Variants in KCTD8 observed in about 807,000 individuals in gnomAD.
KCTD8 encodes the protein BTB/POZ domain-containing protein KCTD8.
In KCTD8, 27 loss-of-function variants were observed where a neutral mutation model predicts 31.5. That is an observed-to-expected ratio of 0.86 (90% CI 0.63 to 1.18). KCTD8 has a LOEUF of 1.18. Among genes scored for constraint, KCTD8 ranks in the 50% most tolerant of loss-of-function variants. The pLI, the probability that KCTD8 is intolerant of heterozygous loss-of-function variation, is 0.00. For synonymous variants in KCTD8, 290 were observed against 280.0 expected (o/e 1.04, Z -0.36); for missense variants, 658 against 647.7 (o/e 1.02, Z -0.17).
chr4:44,400,783 T>C (rs1720630452), intron 1 of KCTD8, among the ~76,000 whole-genome samples: 1 of 150,736 alleles, frequency 6.6e-6, no homozygotes, highest in Non-Finnish European at 1.5e-5. Flanking sequence ...TCAATCAATC[T>C]CTTGGGAATT....
At chr4:44,358,057 C>A (rs911412405) in intron 1 of KCTD8, among the ~76,000 whole-genome samples, 9 of 151,342 alleles carry the variant, frequency 5.9e-5, no homozygotes, top group Non-Finnish European at 8.8e-5. Context: ...TAGCCCCCCA[C>A]CCCCCAAAGC....
chr4:44,439,881 T>C (rs1367360004), intron 1 of KCTD8, among the ~76,000 whole-genome samples: 1 of 150,454 alleles, frequency 6.6e-6, no homozygotes, highest in Non-Finnish European at 1.5e-5. Flanking sequence ...TTACAACTTC[T>C]AGTCCACCAA....
At position 44,328,060 on chromosome 4, in the gene KCTD8, T is replaced by G. The variant is rs796163955; in HGVS notation, c.961+119503A>C. On this transcript the variant is annotated intron_variant, in intron 1 of 1. Coordinates refer to ENST00000360029, the MANE Select transcript of KCTD8 (RefSeq NM_198353.3). Reference sequence around the variant, plus strand: ...ATACTAATTTATTAGCTTACTAATATTTAAATGGATGATATATAGATCCAA... The same window carrying G: ...ATACTAATTTATTAGCTTACTAATAGTTAAATGGATGATATATAGATCCAA... 1.8e-4 allele frequency among the ~76,000 whole-genome samples: 28 copies of G among 152,018 alleles called. 1 individual carries two copies. The highest frequency in any genetic ancestry group is 6.8e-4 in the African/African-American group (28 of 41,392).
chr4:44,401,963 A>G (rs1482725390), intron 1 of KCTD8, among the ~76,000 whole-genome samples: 1 of 152,222 alleles, frequency 6.6e-6, no homozygotes, highest in Non-Finnish European at 1.5e-5. Flanking sequence ...TGACCAACTG[A>G]AATATTTGAT....
At chr4:44,197,020 A>G (rs75308399) in intron 1 of KCTD8, among the ~76,000 whole-genome samples, 7,764 of 152,210 alleles carry the variant, frequency 0.051, 664 homozygotes, top group African/African-American at 0.18. Flanking sequence ...GGAACTTGCT[A>G]GCTTGGGCTT....
intron 1 of KCTD8, among the ~76,000 whole-genome samples, chr4:44,336,333 G>A (rs1718743917): frequency 1.3e-5 from 2 of 151,350 alleles, no homozygotes. Context: ...TTATCAATTG[G>A]AAAAATTAGA....
chr4:44,213,339 G>A (rs1714550773), intron 1 of KCTD8, among the ~76,000 whole-genome samples: 1 of 151,656 alleles, frequency 6.6e-6, no homozygotes, highest in Non-Finnish European at 1.5e-5. Context: ...TCTTTTAGTC[G>A]GTATGTAAAT....
chr4:44,358,139 A>G (rs577927837), intron 1 of KCTD8, among the ~76,000 whole-genome samples: 181 of 151,704 alleles, frequency 1.2e-3, no homozygotes, highest in Non-Finnish European at 1.9e-3. Context: ...GAGTGAGAAC[A>G]TGCAGTGTTT....
chr4:44,235,220 C>G (rs1289219291), intron 1 of KCTD8, among the ~76,000 whole-genome samples: 1 of 147,046 alleles, frequency 6.8e-6, no homozygotes, highest in African/African-American at 2.5e-5. Flanking sequence ...TAGACAATAG[C>G]TCATCCAACC....
intron 1 of KCTD8, among the ~76,000 whole-genome samples, chr4:44,340,392 G>A (rs1718864634): frequency 6.6e-6 from 1 of 151,058 alleles, no homozygotes; most frequent in Admixed American, 6.6e-5. Context: ...TCCACCTCCT[G>A]TGTTCACACC....
intron 1 of KCTD8, among the ~76,000 whole-genome samples, chr4:44,183,058 G>A (rs1713475514): frequency 6.6e-6 from 1 of 152,140 alleles, no homozygotes; most frequent in Admixed American, 6.6e-5. Context: ...GTACTGATTG[G>A]ATAATTGTAA....
intron 1 of KCTD8, among the ~76,000 whole-genome samples, chr4:44,335,978 G>A (rs1321640744): frequency 6.6e-6 from 1 of 150,418 alleles, no homozygotes; most frequent in Non-Finnish European, 1.5e-5. Context: ...GTGAAACCCC[G>A]TCTCTACTAA....
chr4:44,238,775 T>C (rs1715364070), intron 1 of KCTD8, among the ~76,000 whole-genome samples: 1 of 152,212 alleles, frequency 6.6e-6, no homozygotes, highest in South Asian at 2.1e-4. Context: ...TGGTTCAATA[T>C]ACTTATTTCT....
intron 1 of KCTD8, among the ~76,000 whole-genome samples, chr4:44,413,476 C>G (rs780427486): frequency 6.6e-6 from 1 of 152,100 alleles, no homozygotes; most frequent in Non-Finnish European, 1.5e-5. Context: ...ATTACTTGAA[C>G]TTCAACATAA....
At chr4:44,239,709 A>G (rs148735120) in intron 1 of KCTD8, among the ~76,000 whole-genome samples, 23 of 152,332 alleles carry the variant, frequency 1.5e-4, no homozygotes, top group African/African-American at 5.5e-4. Context: ...AACTTTGCCA[A>G]TTAGAATTTA....
intron 1 of KCTD8, among the ~76,000 whole-genome samples, chr4:44,290,155 G>A (rs1311929342): frequency 6.6e-6 from 1 of 151,764 alleles, no homozygotes; most frequent in Non-Finnish European, 1.5e-5. Context: ...TAAAGTGCAG[G>A]AATCACAATT....
intron 1 of KCTD8, among the ~76,000 whole-genome samples, chr4:44,232,357 T>C (rs1715147737): frequency 1.3e-5 from 2 of 152,180 alleles, no homozygotes; most frequent in South Asian, 4.2e-4. Context: ...AAAGCAGTTG[T>C]CAAAAAAACT....
rs374200300 is a variant in KCTD8, at chr4:44,448,543, C to A, written c.-20G>T. 3.7e-5 allele frequency: 53 copies of A among 1,450,444 alleles called. No homozygotes were observed. Among genetic ancestry groups the A allele is most frequent in the Non-Finnish European group, 4.6e-5 (51 of 1,106,534 alleles). 89.8% of individuals were successfully genotyped at this position (1,450,444 alleles called of 1,614,324 possible). A position where few individuals can be genotyped will look rare whatever the true frequency, so the allele number is the denominator to read the frequency against. Reference sequence around the variant, plus strand: ...AGCCATAGTCCCCCCGCCGCCGGCCCAGTGACCCGAGAGAGCTGCACTTTC... The same window carrying A: ...AGCCATAGTCCCCCCGCCGCCGGCCAAGTGACCCGAGAGAGCTGCACTTTC... On this transcript the variant is annotated 5_prime_UTR_variant, in exon 1 of 2. Transcript: ENST00000360029. The surrounding 1 kb of genome is among the most constrained non-coding windows in gnomAD (Gnocchi z 4.1).
rs1028008199 is a variant in KCTD8, at chr4:44,342,694, G to T, written c.961+104869C>A. On this transcript the variant is annotated intron_variant, in intron 1 of 1. Transcript: ENST00000360029. ...AGATGGTATCTCCTTCCAATAGAAGGCTGTTTTCTACATACTGAAAATCTG... is the reference window on the plus strand; with the variant it reads ...AGATGGTATCTCCTTCCAATAGAAGTCTGTTTTCTACATACTGAAAATCTG... Among the ~76,000 whole-genome samples, 9 of 152,156 alleles carry T rather than the reference G, an allele frequency of 5.9e-5. No individual in the cohort carries two copies. In the East Asian group the frequency reaches 1.3e-3, roughly 23 times the overall value.
Sources: allele counts gnomAD v4.1 joint callset (sites outside exome capture counted in the v4.1 genomes callset), GRCh38; gene constraint gnomAD v4.1.1; non-coding constraint Gnocchi (gnomAD v3.1); transcripts MANE v1.5; gene names NCBI Gene and HGNC (gene_info 2026-07-23, HGNC 2026-07-21).